Variants in STK24 observed in about 807,000 individuals in gnomAD.
STK24 encodes serine/threonine-protein kinase 24.
Under a neutral mutation model 55.6 loss-of-function variants are expected in STK24, and 21 were observed. The observed-to-expected ratio is 0.38, with a 90% CI of 0.27 to 0.54. The LOEUF (loss-of-function observed/expected upper bound fraction) is 0.54, where lower values mean the gene tolerates loss of function less well. Ranked by LOEUF, STK24 falls within the 20% of genes least tolerant of loss-of-function variation. The pLI is 0.79. For synonymous variants in STK24, 200 were observed against 215.2 expected, an observed-to-expected ratio of 0.93 and a Z score of 0.62; for missense variants, 383 against 538.4, an observed-to-expected ratio of 0.71 and a Z score of 2.86.
chr13:98,560,952 G>A (rs1566405773), intron 1 of STK24, among the ~76,000 whole-genome samples: 1 of 151,754 alleles, frequency 6.6e-6, no homozygotes, highest in Non-Finnish European at 1.5e-5. Context: ...CTAACTGTTT[G>A]TCCTCCTCAG....
At position 98,447,083 on chromosome 13, in the gene STK24, C is replaced by CTGT. The variant is rs1329899905; in HGVS notation, c.*6089_*6090insACA. 6.7e-6 allele frequency: 3 copies of CTGT among 449,538 alleles called. No individual in the cohort carries two copies. Among genetic ancestry groups the CTGT allele is most frequent in the African/African-American group, 5.9e-5 (3 of 50,760 alleles). 27.8% of individuals were successfully genotyped at this position (449,538 alleles called of 1,614,324 possible). On this transcript the variant is annotated 3_prime_UTR_variant, in exon 11 of 11. Coordinates refer to ENST00000539966, the MANE Select transcript of STK24 (RefSeq NM_001032296.4). ...CTTGGAGATCTCTGACATAACGTGT[C>CTGT]CGGGATGATGAAGCTAAGCCCCAGT...
At chr13:98,486,947 G>C (rs1027075781) in intron 2 of STK24, among the ~76,000 whole-genome samples, 2 of 152,308 alleles carry the variant, frequency 1.3e-5, no homozygotes, top group Non-Finnish European at 2.9e-5. Context: ...AATTAAATGA[G>C]ATCATGAGTG....
rs1201609474 is a variant in STK24, at chr13:98,577,094, G to C, written c.-308C>G. 6.9e-6 allele frequency: 1 copy of C among 145,634 alleles called. No homozygotes were observed. The highest frequency in any genetic ancestry group is 1.5e-5 in the Non-Finnish European group (1 of 65,488). The allele number at this position is 145,634 out of a possible 1,614,324, so 9.0% of individuals were successfully genotyped here. On this transcript the variant is annotated 5_prime_UTR_variant, in exon 1 of 11. Coordinates refer to ENST00000539966, the MANE Select transcript of STK24 (RefSeq NM_001032296.4). This position sits in a 1 kb window ranked among gnomAD's most constrained non-coding sequence, Gnocchi z 4.1. ...CGGCCTGGGCCCGCGCGCGCTGGCC[G>C]CTGGAGCCGGAGTGGGCGCGCACAG...
At chr13:98,517,593 A>G (rs1446488750) in intron 2 of STK24, among the ~76,000 whole-genome samples, 1 of 152,120 alleles carries the variant, frequency 6.6e-6, no homozygotes, top group Non-Finnish European at 1.5e-5. Flanking sequence ...TCGCCCCACT[A>G]CACTCCAGTC....
intron 1 of STK24, among the ~76,000 whole-genome samples, chr13:98,565,282 G>C (rs542840668): frequency 6.6e-6 from 1 of 151,986 alleles, no homozygotes; most frequent in East Asian, 1.9e-4. Flanking sequence ...GCAGGGCAGA[G>C]CCTGTAGTCT....
At chr13:98,474,642 A>G (rs1385136477) in intron 5 of STK24, among the ~76,000 whole-genome samples, 179 bp downstream of exon 5, 2 of 152,232 alleles carry the variant, frequency 1.3e-5, no homozygotes, top group Non-Finnish European at 2.9e-5. Flanking sequence ...AGGGTATTAA[A>G]TGATACAGCA....
chr13:98,558,893 G>A (rs535404005), intron 1 of STK24, among the ~76,000 whole-genome samples: 19 of 151,406 alleles, frequency 1.3e-4, no homozygotes, highest in South Asian at 6.3e-4. Flanking sequence ...GGCTGGGCAC[G>A]GTGGCTCACG....
At position 98,458,001 on chromosome 13, in the gene STK24, G is replaced by A. The variant is rs368678987; in HGVS notation, c.1123-697C>T. Among the ~76,000 whole-genome samples the A allele has an allele frequency of 3.3e-5, 5 of 152,270 alleles. No homozygotes were observed. The East Asian group carries it at 9.7e-4, about 29-fold the overall frequency. On this transcript the variant is annotated intron_variant, in intron 9 of 10. Coordinates refer to ENST00000539966, the MANE Select transcript of STK24 (RefSeq NM_001032296.4). ...TTCAAAGCCTATCCTAAGTTATTCT[G>A]ATCTCAACACTGCTTACTTCCTAAT...
chr13:98,452,591 A>G lies in STK24; in HGVS notation c.*582T>C, dbSNP rs185520629. The G allele has an allele frequency of 6.5e-6, 1 of 152,836 alleles. No homozygotes were observed. The highest frequency in any genetic ancestry group is 6.5e-5 in the Admixed American group (1 of 15,308). 9.5% of individuals were successfully genotyped at this position (152,836 alleles called of 1,614,324 possible). On this transcript the variant is annotated 3_prime_UTR_variant, in exon 11 of 11. Coordinates refer to ENST00000539966, the MANE Select transcript of STK24 (RefSeq NM_001032296.4). ...TCACTGGTCACAGAATTCAAAATGT[A>G]CATGTAATAAAGGCAAGGCAATAGA...
intron 2 of STK24, among the ~76,000 whole-genome samples, chr13:98,512,398 A>C (rs2139367932): frequency 6.6e-6 from 1 of 152,288 alleles, no homozygotes; most frequent in Middle Eastern, 3.4e-3. Flanking sequence ...AAGAAATGCA[A>C]CCAGAAAATG....
chr13:98,471,213 GC>G (rs1230667799), intron 5 of STK24, among the ~76,000 whole-genome samples: 1 of 152,144 alleles, frequency 6.6e-6, no homozygotes. Flanking sequence ...CAGTAGACAG[GC>G]TGGCTGCCTG....
At chr13:98,536,527 GCTGA>G (rs1474289154) in intron 1 of STK24, among the ~76,000 whole-genome samples, 9 of 151,890 alleles carry the variant, frequency 5.9e-5, no homozygotes, top group South Asian at 2.1e-4. Context: ...ACCATGCCTG[GCTGA>G]CTGTTATTTT....
At chr13:98,563,053 G>A (rs914898295) in intron 1 of STK24, among the ~76,000 whole-genome samples, 1 of 152,046 alleles carries the variant, frequency 6.6e-6, no homozygotes, top group African/African-American at 2.4e-5. Context: ...GGCCTCCCAA[G>A]AAACGATTTG....
At chr13:98,461,055 AGAGAGAG>A (rs926621098) in intron 8 of STK24, among the ~76,000 whole-genome samples, 5 of 46,118 alleles carry the variant, frequency 1.1e-4, no homozygotes, top group Admixed American at 2.2e-4. Context: ...AAAAAAAAAA[AGAGAGAG>A]AGAGAGAGAG....
At chr13:98,469,933 C>T (rs1257590883) in intron 5 of STK24, among the ~76,000 whole-genome samples, 1 of 152,222 alleles carries the variant, frequency 6.6e-6, no homozygotes, top group Non-Finnish European at 1.5e-5. Context: ...TCCTAGGCAT[C>T]TCTACTACAT....
intron 3 of STK24, among the ~76,000 whole-genome samples, chr13:98,477,106 C>T (rs566864524): frequency 7.9e-4 from 120 of 152,294 alleles, no homozygotes; most frequent in South Asian, 6.0e-3. Flanking sequence ...GTAGTTTTTT[C>T]CCAGTTACCT....
At chr13:98,523,241 C>G (rs1443716437) in intron 1 of STK24, among the ~76,000 whole-genome samples, 1 of 152,176 alleles carries the variant, frequency 6.6e-6, no homozygotes, top group East Asian at 1.9e-4. Flanking sequence ...CTCATCACCC[C>G]CTCCAGTAAA....
chr13:98,464,538 C>T (rs9584853), intron 6 of STK24, among the ~76,000 whole-genome samples: 7,870 of 145,684 alleles, frequency 0.054, 288 homozygotes, highest in Non-Finnish European at 0.06. Flanking sequence ...CTCTTGTTGC[C>T]CAGGCTGGAG....
At chr13:98,488,236 G>A (rs1164003954) in intron 2 of STK24, among the ~76,000 whole-genome samples, 2 of 150,084 alleles carry the variant, frequency 1.3e-5, no homozygotes, top group African/African-American at 4.9e-5. Flanking sequence ...ACAGGGAGAA[G>A]ACGGTCATCC....
Sources: allele counts gnomAD v4.1 joint callset (sites outside exome capture counted in the v4.1 genomes callset), GRCh38; gene constraint gnomAD v4.1.1; non-coding constraint Gnocchi (gnomAD v3.1); transcripts MANE v1.5; gene names NCBI Gene and HGNC (gene_info 2026-07-23, HGNC 2026-07-21).